EDNRB: variants seen among roughly 807,000 people sequenced by gnomAD.
EDNRB encodes the protein endothelin receptor type B.
A neutral mutation model predicts 46.4 loss-of-function variants in EDNRB; 18 were observed. The ratio of observed to expected loss-of-function variants is 0.39; its 90% CI spans 0.27 to 0.57. The LOEUF is 0.57. Among genes scored for constraint, EDNRB ranks in the 20% least tolerant of loss-of-function variants. The pLI is 0.61. For missense variants in EDNRB, 434 were observed against 537.5 expected, an observed-to-expected ratio of 0.81 and a Z score of 1.90; for synonymous variants, 213 against 204.9, an observed-to-expected ratio of 1.04 and a Z score of -0.34.
chr13:77,912,605 T>C (rs187597178), intron 1 of EDNRB, among the ~76,000 whole-genome samples: 41 of 152,234 alleles, frequency 2.7e-4, no homozygotes, highest in Admixed American at 2.7e-3. Flanking sequence ...ATTTGTGTAG[T>C]ATTGACAGTT....
At chr13:77,912,549 A>C (rs1366900561) in intron 1 of EDNRB, among the ~76,000 whole-genome samples, 2 of 152,104 alleles carry the variant, frequency 1.3e-5, no homozygotes, top group Non-Finnish European at 2.9e-5. Context: ...GAGTGGAAAA[A>C]GCCCACTACT....
Position 77,897,918 on chromosome 13 carries a change from A to G in EDNRB, c.*282T>C. 2.6e-6 allele frequency: 3 copies of G among 1,156,600 alleles called. No homozygotes were observed. The highest frequency in any genetic ancestry group is 3.2e-6 in the Non-Finnish European group (3 of 933,340). The allele number at this position is 1,156,600 out of a possible 1,614,324, so 71.6% of individuals were successfully genotyped here. On this transcript the variant is annotated 3_prime_UTR_variant, in exon 7 of 7. Coordinates refer to ENST00000646607, the MANE Select transcript of EDNRB (RefSeq NM_001122659.3). ...ATTTTTAAGCCTAAGTGTTGTGTGA[A>G]TATCCTGGAAGTTGTTAAGAGCTAT...
At chr13:77,948,392 CTT>C (rs1880993257) in intron 1 of EDNRB, among the ~76,000 whole-genome samples, 1 of 152,164 alleles carries the variant, frequency 6.6e-6, no homozygotes, top group Non-Finnish European at 1.5e-5. Context: ...AGATCCATGT[CTT>C]TATTTGAGCT....
upstream of EDNRB, among the ~76,000 whole-genome samples, chr13:77,922,014 G>A (rs1221139475): frequency 6.6e-6 from 1 of 151,630 alleles, no homozygotes; most frequent in Non-Finnish European, 1.5e-5. Flanking sequence ...GAATTCACTA[G>A]CAACTAACTA....
chr13:77,914,428 C>G (rs996239369), intron 1 of EDNRB, among the ~76,000 whole-genome samples: 2 of 152,150 alleles, frequency 1.3e-5, no homozygotes, highest in Non-Finnish European at 2.9e-5. Flanking sequence ...TACATGTACA[C>G]GTGCATATAT....
chr13:77,928,501 T>C (rs1182713802), intron 1 of EDNRB, among the ~76,000 whole-genome samples: 2 of 152,144 alleles, frequency 1.3e-5, no homozygotes, highest in Admixed American at 1.3e-4. Context: ...TTTTAAGGAG[T>C]TTCGTTTTCA....
chr13:77,934,681 G>A (rs909427706), intron 1 of EDNRB, among the ~76,000 whole-genome samples: 10 of 33,960 alleles, frequency 2.9e-4, no homozygotes, highest in African/African-American at 2.0e-3. Context: ...TGTAGGAAAG[G>A]GGGGGGGGGG....
chr13:77,960,128 A>G (rs903864746), intron 1 of EDNRB, among the ~76,000 whole-genome samples: 2 of 152,236 alleles, frequency 1.3e-5, no homozygotes, highest in African/African-American at 4.8e-5. Context: ...AATATTATCC[A>G]GGAGAACTTC....
intron 1 of EDNRB, among the ~76,000 whole-genome samples, chr13:77,935,443 T>C (rs890751872): frequency 6.6e-6 from 1 of 152,158 alleles, no homozygotes; most frequent in African/African-American, 2.4e-5. Flanking sequence ...TGGGGTCAGC[T>C]AGGTTTCTTT....
intron 3 of EDNRB, among the ~76,000 whole-genome samples, chr13:77,901,632 G>A (rs1313805519): frequency 5.3e-5 from 8 of 151,944 alleles, no homozygotes; most frequent in Admixed American, 5.2e-4. Flanking sequence ...CAACAGATAC[G>A]AAAAGGTCTA....
chr13:77,941,212 A>G (rs1880734526), intron 1 of EDNRB, among the ~76,000 whole-genome samples: 1 of 152,252 alleles, frequency 6.6e-6, no homozygotes, highest in South Asian at 2.1e-4. Context: ...AATAAAAAAG[A>G]GAAGAATCAG....
At chr13:77,960,205 C>T (rs533377690) in intron 1 of EDNRB, among the ~76,000 whole-genome samples, 3 of 152,160 alleles carry the variant, frequency 2.0e-5, no homozygotes, top group Non-Finnish European at 2.9e-5. Context: ...AGATACTCCT[C>T]GAGAAGAGCA....
intron 1 of EDNRB, among the ~76,000 whole-genome samples, chr13:77,948,717 T>TA (rs1486905994): frequency 9.9e-5 from 15 of 152,212 alleles, no homozygotes; most frequent in African/African-American, 3.6e-4. Context: ...AATATTGATA[T>TA]TCTGTTTCTT....
chr13:77,955,851 A>C (rs986434311), intron 1 of EDNRB, among the ~76,000 whole-genome samples: 1 of 131,102 alleles, frequency 7.6e-6, no homozygotes, highest in Admixed American at 7.7e-5. Flanking sequence ...GTGTGTATCT[A>C]TCTATCTATC....
upstream of EDNRB, among the ~76,000 whole-genome samples, chr13:77,922,109 G>A (rs1880102289): frequency 6.6e-6 from 1 of 151,284 alleles, no homozygotes; most frequent in African/African-American, 2.4e-5. Flanking sequence ...AACTAATTTT[G>A]CATTTATGAG....
chr13:77,975,211 A>T (rs1681382990), intron 1 of EDNRB: 1 of 152,288 alleles, frequency 6.6e-6, no homozygotes, highest in African/African-American at 2.4e-5. Flanking sequence ...GCAAGTTCCC[A>T]AGACCAGTCC....
In EDNRB at chr13:77,927,645, G is replaced by T. The variant is rs561692025; in HGVS notation, c.-51-9021C>A. ...TGCATGAAATTCGTCCACAGCAAGAGCTGTAACATATTTAGACTGTCACAA... is the reference window on the plus strand; with the variant it reads ...TGCATGAAATTCGTCCACAGCAAGATCTGTAACATATTTAGACTGTCACAA... On this transcript the variant is annotated intron_variant, in intron 1 of 7. Coordinates refer to the EDNRB transcript ENST00000646948. Among the ~76,000 whole-genome samples the T allele has an allele frequency of 6.6e-5, 10 of 152,294 alleles. No homozygotes were observed. In the South Asian group the frequency reaches 2.1e-3, roughly 32 times the overall value.
In EDNRB at chr13:77,934,715, C is replaced by T. The variant is rs367792816; in HGVS notation, c.-51-16091G>A. Reference sequence around the variant, plus strand: ...GGCCTGAATAGTCCCTGAGGAGTAGCAGAATAGCAGATGGAACACTGAGAA... The same window carrying T: ...GGCCTGAATAGTCCCTGAGGAGTAGTAGAATAGCAGATGGAACACTGAGAA... On this transcript the variant is annotated intron_variant, in intron 1 of 7. Transcript: ENST00000646948. Among the ~76,000 whole-genome samples the T allele has an allele frequency of 5.5e-4, 83 of 149,928 alleles. No homozygotes were observed. In the East Asian group the frequency reaches 5.8e-3, roughly 10 times the overall value.
At chr13:77,959,260 C>A (rs544624537) in intron 1 of EDNRB, among the ~76,000 whole-genome samples, 12 of 152,268 alleles carry the variant, frequency 7.9e-5, no homozygotes, top group Non-Finnish European at 1.2e-4. Flanking sequence ...GGGTCCCTGA[C>A]CCCCGAGTAA....
Sources: gnomAD v4.1 joint callset for allele counts (sites outside exome capture counted in the v4.1 genomes callset) on GRCh38, gnomAD v4.1.1 for gene constraint, MANE v1.5 for transcripts, NCBI Gene and HGNC (gene_info 2026-07-23, HGNC 2026-07-21) for gene names.